Variants in HTR2C observed in about 807,000 individuals in gnomAD.
HTR2C encodes 5-hydroxytryptamine receptor 2C.
HTR2C carries 5 observed loss-of-function variants against 21.0 expected under a neutral mutation model. The ratio of observed to expected loss-of-function variants is 0.24; its 90% CI spans 0.12 to 0.50. The LOEUF is 0.50. Among genes scored for constraint, HTR2C ranks in the 20% least tolerant of loss-of-function variants. The pLI, the probability that HTR2C is intolerant of heterozygous loss-of-function variation, is 0.98. For synonymous variants in HTR2C, 150 were observed against 145.3 expected (o/e 1.03, Z -0.23); for missense variants, 271 against 371.2 (o/e 0.73, Z 2.22).
chrX:114,812,753 CA>C (rs55961441), intron 4 of HTR2C, among the ~76,000 whole-genome samples: 1,051 of 103,527 alleles, frequency 0.01, 13 homozygotes, highest in African/African-American at 0.038. Flanking sequence ...AACAAACAAA[CA>C]AAAAAAAAAA....
At chrX:114,849,187 G>A (rs191569974) in intron 5 of HTR2C, among the ~76,000 whole-genome samples, 7 of 112,117 alleles carry the variant, frequency 6.2e-5, no homozygotes, top group Admixed American at 2.8e-4. Flanking sequence ...ATGAATTTAC[G>A]TAAGTTTGAC....
intron 5 of HTR2C, among the ~76,000 whole-genome samples, chrX:114,883,923 C>T (rs782574289): frequency 1.8e-5 from 2 of 110,064 alleles, no homozygotes; most frequent in African/African-American, 6.6e-5. Flanking sequence ...CTTGAACCAG[C>T]ATCTATTCAA....
At chrX:114,731,732 CAGA>C (rs2069539785) in intron 4 of HTR2C, 125 bp downstream of exon 4, 1 of 499,576 alleles carries the variant, frequency 2.0e-6, no homozygotes, top group African/African-American at 2.4e-5. Flanking sequence ...AATCGTGTGA[CAGA>C]AGGAGTTGGA....
chrX:114,776,608 C>A, intron 4 of HTR2C: 1 of 519,248 alleles, frequency 1.9e-6, no homozygotes, highest in South Asian at 2.6e-5. Context: ...CAGCTTGATT[C>A]TTTGCGGCAT....
At chrX:114,623,013 G>A (rs1556402089) in intron 2 of HTR2C, among the ~76,000 whole-genome samples, 2 of 110,768 alleles carry the variant, frequency 1.8e-5, no homozygotes, top group Non-Finnish European at 3.8e-5. Flanking sequence ...AACTTAATAG[G>A]GTTTAAAAAA....
intron 2 of HTR2C, among the ~76,000 whole-genome samples, chrX:114,650,496 C>A (rs1167389534): frequency 9.0e-6 from 1 of 111,649 alleles, no homozygotes; most frequent in Non-Finnish European, 1.9e-5. Context: ...CTCTCTGGAA[C>A]ACTAGTTTTC....
chrX:114,722,906 A>T (rs1471296626), intron 2 of HTR2C, among the ~76,000 whole-genome samples: 2 of 109,325 alleles, frequency 1.8e-5, no homozygotes, highest in Admixed American at 2.0e-4. Context: ...GTGCTGCTGG[A>T]TTTGGTTTGC....
intron 5 of HTR2C, among the ~76,000 whole-genome samples, chrX:114,865,842 G>T (rs1394396254): frequency 6.3e-5 from 7 of 110,256 alleles, no homozygotes; most frequent in Non-Finnish European, 1.1e-4. Flanking sequence ...TTGAGACAGG[G>T]TCTCCCTCTG....
At chrX:114,690,128 C>T (rs186650780) in intron 2 of HTR2C, among the ~76,000 whole-genome samples, 1 of 111,497 alleles carries the variant, frequency 9.0e-6, no homozygotes, top group East Asian at 2.8e-4. Context: ...TTATTTTGGT[C>T]AACACATCTG....
At chrX:114,593,334 G>A (rs1292726265) in intron 1 of HTR2C, among the ~76,000 whole-genome samples, 2 of 111,558 alleles carry the variant, frequency 1.8e-5, no homozygotes, top group East Asian at 2.8e-4. Context: ...GGGCTCAAGC[G>A]AACCTACTGC....
intron 5 of HTR2C, among the ~76,000 whole-genome samples, chrX:114,853,401 T>C (rs782328509): frequency 1.8e-5 from 2 of 111,778 alleles, no homozygotes; most frequent in South Asian, 7.4e-4. Context: ...TCAGATTTCC[T>C]TTTTATGTTG....
chrX:114,864,275 G>A (rs1035947325), intron 5 of HTR2C, among the ~76,000 whole-genome samples: 1 of 110,820 alleles, frequency 9.0e-6, no homozygotes, highest in Admixed American at 9.6e-5. Context: ...AGATTTGATT[G>A]CTTTTTCTTT....
At chrX:114,771,436 G>A (rs189646041) in intron 4 of HTR2C, among the ~76,000 whole-genome samples, 82 of 111,837 alleles carry the variant, frequency 7.3e-4, no homozygotes, top group African/African-American at 2.4e-3. Flanking sequence ...AATGCTATGA[G>A]CCAGTTTTTC....
At chrX:114,743,320 G>A (rs2069670616) in intron 4 of HTR2C, among the ~76,000 whole-genome samples, 1 of 110,877 alleles carries the variant, frequency 9.0e-6, no homozygotes, top group South Asian at 3.8e-4. Context: ...CTTCCTGTTG[G>A]TGGGACTGTA....
chrX:114,633,825 G>T (rs1408696144), intron 2 of HTR2C, among the ~76,000 whole-genome samples: 1 of 108,629 alleles, frequency 9.2e-6, no homozygotes, highest in African/African-American at 3.3e-5. Context: ...ATATGTGTGT[G>T]TGTGTGCATG....
chrX:114,689,680 C>T (rs1602689828), intron 2 of HTR2C, among the ~76,000 whole-genome samples: 1 of 110,870 alleles, frequency 9.0e-6, no homozygotes, highest in African/African-American at 3.3e-5. Flanking sequence ...ATCACTTCCT[C>T]CAAATGAAAG....
chrX:114,822,369 T>G (rs782299904), intron 4 of HTR2C, among the ~76,000 whole-genome samples: 22 of 111,869 alleles, frequency 2.0e-4, no homozygotes, highest in Admixed American at 1.1e-3. Flanking sequence ...CCTACTCATT[T>G]CTTTTTCCCC....
At chrX:114,698,456 A>G (rs187425900) in intron 2 of HTR2C, among the ~76,000 whole-genome samples, 697 of 31,653 alleles carry the variant, frequency 0.022, 7 homozygotes, top group African/African-American at 0.056. Context: ...ACACACACAC[A>G]CAAACACACA....
intron 4 of HTR2C, among the ~76,000 whole-genome samples, chrX:114,749,130 A>AG (rs1469356911): frequency 1.8e-5 from 2 of 109,565 alleles, no homozygotes; most frequent in Non-Finnish European, 3.8e-5. Context: ...AAATGTCAAA[A>AG]AAAAACCACA....
Sources: gnomAD v4.1 joint callset for allele counts (sites outside exome capture counted in the v4.1 genomes callset) on GRCh38, gnomAD v4.1.1 for gene constraint, MANE v1.5 for transcripts, NCBI Gene and HGNC (gene_info 2026-07-23, HGNC 2026-07-21) for gene names.